Variants in SIRPG observed in about 807,000 individuals in gnomAD.
The protein encoded by SIRPG is signal-regulatory protein gamma.
SIRPG carries 38 observed loss-of-function variants against 35.7 expected under a neutral mutation model. The observed-to-expected ratio is 1.06, with a 90% CI of 0.82 to 1.40. The LOEUF (loss-of-function observed/expected upper bound fraction) is 1.40. Among genes scored for constraint, SIRPG ranks in the 40% most tolerant of loss-of-function variants. SIRPG has a pLI of 0.00. For synonymous variants in SIRPG, 215 were observed against 190.4 expected (o/e 1.13, Z -1.06); for missense variants, 519 against 483.0 (o/e 1.07, Z -0.70).
chr20:1,637,526 T>C (rs528352451), intron 2 of SIRPG: 1 of 156,420 alleles, frequency 6.4e-6, no homozygotes, highest in East Asian at 1.9e-4. Flanking sequence ...TGTTCAGGAC[T>C]ACCATGACTC....
At chr20:1,650,848 C>A (rs2091936064) in intron 1 of SIRPG, among the ~76,000 whole-genome samples, 1 of 152,154 alleles carries the variant, frequency 6.6e-6, no homozygotes, top group African/African-American at 2.4e-5. Flanking sequence ...TTCAAAGAAT[C>A]CTGAAAGCAG....
At chr20:1,644,090 G>C (rs528441340) in intron 2 of SIRPG, among the ~76,000 whole-genome samples, 3 of 152,220 alleles carry the variant, frequency 2.0e-5, no homozygotes, top group African/African-American at 4.8e-5. Context: ...CACTTTGACT[G>C]TCCCTTGGTG....
upstream of SIRPG, among the ~76,000 whole-genome samples, chr20:1,658,071 A>G (rs2091985579): frequency 6.6e-6 from 1 of 151,980 alleles, no homozygotes; most frequent in Non-Finnish European, 1.5e-5. Flanking sequence ...GTTGTTAGGT[A>G]TTGTTTTCTA....
upstream of SIRPG, among the ~76,000 whole-genome samples, chr20:1,658,649 A>G (rs67551872): frequency 2.0e-5 from 3 of 152,074 alleles, no homozygotes; most frequent in African/African-American, 7.2e-5. Context: ...AACTGGGAAT[A>G]GTAAGTCTTT....
chr20:1,670,904 C>G, the SIRPG span: 4 of 319,816 alleles, frequency 1.3e-5, no homozygotes, highest in South Asian at 1.3e-4. Context: ...GACAAGTTTT[C>G]AGTCCCACAA....
the SIRPG span, among the ~76,000 whole-genome samples, chr20:1,680,675 T>C: frequency 1.6e-4 from 24 of 151,882 alleles, no homozygotes; most frequent in Admixed American, 4.6e-4. Flanking sequence ...AACAATGTAA[T>C]GTACCATATT....
At chr20:1,637,878 ATGAG>A (rs1327512425) in intron 2 of SIRPG, 1 of 152,202 alleles carries the variant, frequency 6.6e-6, no homozygotes, top group Non-Finnish European at 1.5e-5. Context: ...CTCCCTGTAG[ATGAG>A]TCCTAAACGT....
upstream of SIRPG, among the ~76,000 whole-genome samples, chr20:1,658,756 C>T (rs545622315): frequency 1.0e-3 from 153 of 152,238 alleles, no homozygotes; most frequent in Non-Finnish European, 1.8e-3. Flanking sequence ...AGGTGAAGTG[C>T]GGGAACTCAA....
At chr20:1,646,501 C>T (rs1045814002) in intron 2 of SIRPG, 2 of 152,298 alleles carry the variant, frequency 1.3e-5, no homozygotes, top group East Asian at 1.9e-4. Context: ...AACAGCACAA[C>T]ATGGGGGGAG....
chr20:1,630,098 C>T, intron 5 of SIRPG, 124 bp downstream of exon 5: 2 of 730,996 alleles, frequency 2.7e-6, no homozygotes, highest in Non-Finnish European at 4.7e-6. Flanking sequence ...CCCAAGACTT[C>T]CGAGGGTGCG....
chr20:1,658,932 C>A (rs2091988551), upstream of SIRPG, among the ~76,000 whole-genome samples: 1 of 152,164 alleles, frequency 6.6e-6, no homozygotes, highest in Non-Finnish European at 1.5e-5. Context: ...GCTCCTTGTT[C>A]AACCATAGAT....
the SIRPG span, among the ~76,000 whole-genome samples, chr20:1,680,410 A>G: frequency 1.3e-5 from 2 of 152,224 alleles, no homozygotes; most frequent in Admixed American, 1.3e-4. Context: ...ATTGTCCCAC[A>G]TCCAGGCTTT....
rs77894757 is a variant in SIRPG, at chr20:1,655,574, A to G, written c.73+2068T>C. 3.4e-3 allele frequency among the ~76,000 whole-genome samples: 511 copies of G among 152,324 alleles called. 4 individuals carry two copies. The highest frequency in any genetic ancestry group is 5.9e-3 in the Non-Finnish European group (402 of 68,036). ...CAAAGGATACAAAATTTCAATTTAA[A>G]TAAGAGAAATAAGTTCAAGATATCT... On this transcript the variant is annotated intron_variant, in intron 1 of 5. Transcript: ENST00000303415.
intron 4 of SIRPG, among the ~76,000 whole-genome samples, chr20:1,634,819 G>T (rs755036074): frequency 1.3e-5 from 2 of 151,814 alleles, no homozygotes; most frequent in Non-Finnish European, 2.9e-5. Flanking sequence ...TGAGGCGGGC[G>T]GATCACGAGG....
upstream of SIRPG, among the ~76,000 whole-genome samples, chr20:1,660,713 G>A (rs1568743232): frequency 1.3e-5 from 2 of 152,162 alleles, no homozygotes; most frequent in Admixed American, 6.5e-5. Context: ...CAGGAACCTG[G>A]GAGTCCATGA....
intron 2 of SIRPG, chr20:1,637,804 G>T (rs1473896047): frequency 6.6e-6 from 1 of 152,096 alleles, no homozygotes; most frequent in Non-Finnish European, 1.5e-5. Flanking sequence ...ACCCCAACAG[G>T]CAGAAATCTA....
chr20:1,659,016 G>A (rs2091988825), upstream of SIRPG, among the ~76,000 whole-genome samples: 1 of 152,150 alleles, frequency 6.6e-6, no homozygotes, highest in African/African-American at 2.4e-5. Context: ...TGGTTTGATT[G>A]TATGTAAATA....
At chr20:1,654,918 G>C (rs1474249395) in intron 1 of SIRPG, among the ~76,000 whole-genome samples, 1 of 152,136 alleles carries the variant, frequency 6.6e-6, no homozygotes, top group African/African-American at 2.4e-5. Context: ...TGGCAAGTCA[G>C]CGTATAAAAA....
chr20:1,670,714 A>G, the SIRPG span, among the ~76,000 whole-genome samples: 3 of 152,154 alleles, frequency 2.0e-5, no homozygotes, highest in Non-Finnish European at 4.4e-5. Flanking sequence ...TCTAGCTGCT[A>G]CCATGGAAAT....
Sources: gnomAD v4.1 joint callset for allele counts (sites outside exome capture counted in the v4.1 genomes callset) on GRCh38, gnomAD v4.1.1 for gene constraint, MANE v1.5 for transcripts, NCBI Gene and HGNC (gene_info 2026-07-23, HGNC 2026-07-21) for gene names.